The following INO80C variants were observed in gnomAD, a reference collection of about 807,000 sequenced individuals.
INO80C encodes the protein INO80 complex subunit C.
INO80C carries 17 observed loss-of-function variants against 17.7 expected under a neutral mutation model. The ratio of observed to expected loss-of-function variants is 0.96; its 90% CI spans 0.66 to 1.44. The LOEUF (loss-of-function observed/expected upper bound fraction) is 1.44. INO80C is among the 40% of genes most tolerant of loss of function. The probability of loss-of-function intolerance (pLI) is 0.00; values close to 1 mark genes in which losing one functional copy is unlikely to be tolerated. For synonymous variants in INO80C, 96 were observed against 95.8 expected, an observed-to-expected ratio of 1.00 and a Z score of -0.01; for missense variants, 244 against 245.0, an observed-to-expected ratio of 1.00 and a Z score of 0.03.
Position 35,468,517 on chromosome 18 carries a change from T to C in INO80C, c.*94A>G. 6.3e-7 allele frequency: 1 copy of C among 1,584,850 alleles called. No individual in the cohort carries two copies. Among genetic ancestry groups the C allele is most frequent in the African/African-American group, 1.4e-5 (1 of 74,062 alleles). On this transcript the variant is annotated 3_prime_UTR_variant, in exon 5 of 5. Coordinates refer to ENST00000334598, the MANE Select transcript of INO80C (RefSeq NM_194281.4). ...AAGGCACAGCACTGGCATTTTCAGA[T>C]TGACAGCAGAACGAGTTTGTTTCCG...
chr18:35,491,200 G>T lies in INO80C; in HGVS notation c.156+6519C>A, dbSNP rs141636161. Among the ~76,000 whole-genome samples the T allele has an allele frequency of 3.6e-3, 543 of 152,322 alleles. 2 individuals are homozygous for T. Among genetic ancestry groups the T allele is most frequent in the African/African-American group, 0.012 (509 of 41,554 alleles). On this transcript the variant is annotated intron_variant, in intron 1 of 4. Coordinates refer to ENST00000334598, the MANE Select transcript of INO80C (RefSeq NM_194281.4). Reference sequence around the variant, plus strand: ...AGGCGTTTAGTTCCAAGGCCCCAGGGAGACAGGGGAGAAAAATGCCAGACA... The same window carrying T: ...AGGCGTTTAGTTCCAAGGCCCCAGGTAGACAGGGGAGAAAAATGCCAGACA...
At position 35,480,530 on chromosome 18, in the gene INO80C, T is replaced by C; in HGVS notation, c.190A>G (p.Met64Val). The change falls in exon 2 of 5, where the codon ATG becomes GTG. Residue 64 changes from methionine (M) to valine (V), a missense_variant. Met to Val is a conservative substitution (Grantham distance 21). Transcript: ENST00000334598. The stretch of plus-strand genomic sequence containing the variant: ...CCTGTGCTAAACTCAGAGGGCACCA[T>C]TTTATTCTCACTCATGGCTTCCATG... Reference protein sequence around the residue: ...ISMEAMSENKMVPSEFSTGPV... With the variant: ...ISMEAMSENKVVPSEFSTGPV... 6.2e-7 allele frequency: 1 copy of C among 1,613,744 alleles called. No homozygotes were observed. The highest frequency in any genetic ancestry group is 8.5e-7 in the Non-Finnish European group (1 of 1,179,584).
intron 1 of INO80C, among the ~76,000 whole-genome samples, chr18:35,494,481 A>G (rs921705014): frequency 6.6e-6 from 1 of 152,266 alleles, no homozygotes; most frequent in Admixed American, 6.5e-5. Context: ...TATCTGAAGC[A>G]TGAGAAGAAT....
At chr18:35,492,911 G>A (rs2045946100) in intron 1 of INO80C, among the ~76,000 whole-genome samples, 1 of 152,204 alleles carries the variant, frequency 6.6e-6, no homozygotes, top group Non-Finnish European at 1.5e-5. Flanking sequence ...TATTGATTCA[G>A]TAAAACTGTT....
chr18:35,485,345 A>G (rs1299925167), intron 1 of INO80C, among the ~76,000 whole-genome samples: 2 of 152,212 alleles, frequency 1.3e-5, no homozygotes, highest in Non-Finnish European at 2.9e-5. Flanking sequence ...TCCAGAATAT[A>G]TGAAGAACTC....
Position 35,468,644 on chromosome 18 carries a change from C to G in INO80C, c.546G>C (p.Leu182=), listed in dbSNP as rs1353221232. ...CGATGCTCGTGGCCTTCCTCAGGGC[C>G]AGGTAGCCGGTGACGACGTCAGAGG... is the stretch of plus-strand genomic sequence containing the variant. The part of the protein sequence containing the change: ...RLPSDVVTGY[L]ALRKATSIVP Residue 182 remains leucine (L), a synonymous_variant, in exon 5 of 5, where the codon CTG becomes CTC. Coordinates refer to ENST00000334598, the MANE Select transcript of INO80C (RefSeq NM_194281.4). 3.1e-6 allele frequency: 5 copies of G among 1,613,936 alleles called. No individual in the cohort carries two copies. The African/African-American group carries it at 6.7e-5, about 22-fold the overall frequency.
chr18:35,468,952 G>C (rs1262499244), intron 4 of INO80C, among the ~76,000 whole-genome samples: 2 of 152,080 alleles, frequency 1.3e-5, no homozygotes, highest in East Asian at 3.9e-4. Context: ...TGGACGAGAG[G>C]AAGGGGAATG....
At chr18:35,475,287 T>G (rs780814115) in intron 4 of INO80C, among the ~76,000 whole-genome samples, 3 of 152,182 alleles carry the variant, frequency 2.0e-5, no homozygotes, top group Non-Finnish European at 4.4e-5. Flanking sequence ...ATTTAACCAC[T>G]GACATCTTAA....
intron 1 of INO80C, chr18:35,487,540 A>G (rs891534626): frequency 1.7e-5 from 3 of 180,090 alleles, no homozygotes; most frequent in Non-Finnish European, 3.6e-5. Context: ...TACCATGAGA[A>G]CAGCATGGGG....
intron 4 of INO80C, among the ~76,000 whole-genome samples, chr18:35,474,284 C>T (rs2045708653): frequency 7.5e-6 from 1 of 133,594 alleles, no homozygotes; most frequent in Admixed American, 8.1e-5. Context: ...AGGAAATCAC[C>T]AGAACCAGAC....
chr18:35,490,800 C>T (rs1285478653), intron 1 of INO80C, among the ~76,000 whole-genome samples: 1 of 152,132 alleles, frequency 6.6e-6, no homozygotes, highest in Admixed American at 6.5e-5. Flanking sequence ...CTGTCACCCA[C>T]GCTGCAGTGC....
chr18:35,491,403 C>T (rs773244773), intron 1 of INO80C, among the ~76,000 whole-genome samples: 16 of 152,158 alleles, frequency 1.1e-4, no homozygotes, highest in South Asian at 4.1e-4. Context: ...CCCCTCCTGC[C>T]GGCTTGCTCA....
Position 35,470,874 on chromosome 18 carries a change from C to G in INO80C, c.448-2132G>C, listed in dbSNP as rs539107587. Among the ~76,000 whole-genome samples the G allele has an allele frequency of 1.1e-3, 164 of 152,364 alleles. 2 individuals are homozygous for G. In the South Asian group the frequency reaches 0.033, roughly 31 times the overall value. ...CCTACAGTCCACCCTCCTCTGGATG[C>G]CATCCTTTGAGCCTGAGTGAAATAA... On this transcript the variant is annotated intron_variant, in intron 4 of 4. Coordinates refer to ENST00000334598, the MANE Select transcript of INO80C (RefSeq NM_194281.4).
At chr18:35,472,591 C>T (rs188896337) in intron 4 of INO80C, among the ~76,000 whole-genome samples, 1 of 152,134 alleles carries the variant, frequency 6.6e-6, no homozygotes, top group Non-Finnish European at 1.5e-5. Flanking sequence ...TGTGTGCACA[C>T]TATTTCTCTA....
At chr18:35,487,403 G>A (rs1343078336) in intron 1 of INO80C, 4 of 399,824 alleles carry the variant, frequency 1.0e-5, no homozygotes, top group Non-Finnish European at 2.0e-5. Flanking sequence ...CGCGGCTGGG[G>A]AGGCCTCACA....
At chr18:35,478,460 G>T in intron 3 of INO80C, 111 bp from the exon 4 acceptor site, 1 of 835,518 alleles carries the variant, frequency 1.2e-6, no homozygotes, top group Non-Finnish European at 1.8e-6. Context: ...TTTCCTTTGT[G>T]ATTAAGTAGT....
At chr18:35,479,980 CTA>C (rs1225318515) in intron 2 of INO80C, among the ~76,000 whole-genome samples, 1 of 150,514 alleles carries the variant, frequency 6.6e-6, no homozygotes, top group Non-Finnish European at 1.5e-5. Flanking sequence ...ATTTCCAAAA[CTA>C]ATTCATTAAA....
Position 35,497,742 on chromosome 18 carries a change from C to CT in INO80C, c.132dup (p.Ala45SerfsTer17), listed in dbSNP as rs776466604. ...ACCTGCGCAAAGCTGGAAGCGGACG[C>CT]TTTTTTCTTCTTACTGGCGCCATAG... On this transcript the variant is annotated frameshift_variant, in exon 1 of 5. Transcript: ENST00000334598. LOFTEE classifies it high-confidence loss of function. 5 of 1,612,536 alleles carry CT rather than the reference C, an allele frequency of 3.1e-6. No homozygotes were observed. Among genetic ancestry groups the CT allele is most frequent in the East Asian group, 4.5e-5 (2 of 44,662 alleles).
intron 1 of INO80C, among the ~76,000 whole-genome samples, chr18:35,495,111 G>GA (rs1294422881): frequency 6.6e-6 from 1 of 152,218 alleles, no homozygotes; most frequent in African/African-American, 2.4e-5. Flanking sequence ...AAGGGAACTA[G>GA]AATGAAAGGA....
Sources: allele counts gnomAD v4.1 joint callset (sites outside exome capture counted in the v4.1 genomes callset), GRCh38; gene constraint gnomAD v4.1.1; transcripts MANE v1.5; gene names NCBI Gene and HGNC (gene_info 2026-07-23, HGNC 2026-07-21).